TBC1D5: variants seen among roughly 807,000 people sequenced by gnomAD.
The protein encoded by TBC1D5 is TBC1 domain family, member 5.
In TBC1D5, 75 loss-of-function variants were observed where a neutral mutation model predicts 100.3. The ratio of observed to expected loss-of-function variants is 0.75; its 90% CI spans 0.62 to 0.91. The LOEUF (loss-of-function observed/expected upper bound fraction) is 0.91. Among genes scored for constraint, TBC1D5 ranks in the 40% least tolerant of loss-of-function variants. The probability of loss-of-function intolerance (pLI) is 0.00; values close to 1 mark genes in which losing one functional copy is unlikely to be tolerated. For synonymous variants in TBC1D5, 323 were observed against 325.6 expected (o/e 0.99, Z 0.09); for missense variants, 910 against 942.4 (o/e 0.97, Z 0.45).
At chr3:17,678,352 A>C (rs1250442102) in intron 1 of TBC1D5, among the ~76,000 whole-genome samples, 5 of 152,166 alleles carry the variant, frequency 3.3e-5, no homozygotes, top group African/African-American at 9.7e-5. Context: ...TGGTTCACCA[A>C]ACACAGATTA....
chr3:17,302,477 G>C (rs555966601), intron 14 of TBC1D5, among the ~76,000 whole-genome samples: 1 of 146,290 alleles, frequency 6.8e-6, no homozygotes, highest in African/African-American at 2.8e-5. Flanking sequence ...CTTTTGTTGA[G>C]GGGGGGGATA....
At chr3:17,245,558 T>C (rs1315644419) in intron 16 of TBC1D5, among the ~76,000 whole-genome samples, 4 of 152,154 alleles carry the variant, frequency 2.6e-5, no homozygotes, top group African/African-American at 9.7e-5. Context: ...AGGAGTAGTG[T>C]TTGTTAGGAA....
At chr3:17,247,728 A>G (rs529903081) in intron 16 of TBC1D5, among the ~76,000 whole-genome samples, 4 of 152,216 alleles carry the variant, frequency 2.6e-5, no homozygotes, top group Non-Finnish European at 5.9e-5. Flanking sequence ...ATTGGAGTCA[A>G]TCCCTTCAAA....
chr3:17,450,728 G>A (rs1329419311), intron 3 of TBC1D5, among the ~76,000 whole-genome samples: 1 of 152,112 alleles, frequency 6.6e-6, no homozygotes, highest in Non-Finnish European at 1.5e-5. Flanking sequence ...AGAAATATGC[G>A]CCTATGTGAA....
chr3:17,712,855 T>C (rs2074873017), intron 1 of TBC1D5, among the ~76,000 whole-genome samples: 1 of 152,152 alleles, frequency 6.6e-6, no homozygotes, highest in African/African-American at 2.4e-5. Context: ...ATAAATTAAA[T>C]AGTCAGTAAT....
At chr3:17,321,527 T>A (rs770160506) in intron 13 of TBC1D5, among the ~76,000 whole-genome samples, 2 of 152,264 alleles carry the variant, frequency 1.3e-5, no homozygotes, top group Non-Finnish European at 2.9e-5. Flanking sequence ...TTACTTGAGA[T>A]GAATATTTAA....
intron 16 of TBC1D5, among the ~76,000 whole-genome samples, chr3:17,257,561 A>G (rs2077829466): frequency 6.6e-6 from 1 of 152,206 alleles, no homozygotes. Context: ...GAGCAAACAG[A>G]TTTCAATCAG....
At chr3:17,166,988 A>G in intron 20 of TBC1D5, 60 bp from the exon 22 acceptor site, 7 of 1,479,818 alleles carry the variant, frequency 4.7e-6, no homozygotes, top group Middle Eastern at 2.0e-4. Flanking sequence ...TTCAGATGCT[A>G]GCTAAATCTC....
intron 4 of TBC1D5, among the ~76,000 whole-genome samples, chr3:17,408,268 A>AAC (rs3041146): frequency 0.099 from 14,264 of 143,798 alleles, 663 homozygotes; most frequent in African/African-American, 0.11. Flanking sequence ...AAGACTATCC[A>AAC]ACACACACAC....
At chr3:17,477,668 T>G (rs2095454403) in intron 3 of TBC1D5, among the ~76,000 whole-genome samples, 1 of 152,046 alleles carries the variant, frequency 6.6e-6, no homozygotes, top group African/African-American at 2.4e-5. Context: ...TCATACATAC[T>G]TAATGGCTAC....
intron 4 of TBC1D5, among the ~76,000 whole-genome samples, chr3:17,419,314 T>TA (rs1226128369): frequency 6.6e-6 from 1 of 152,182 alleles, no homozygotes; most frequent in Non-Finnish European, 1.5e-5. Flanking sequence ...AGTTCTCTGT[T>TA]ACAAAATAAA....
At chr3:17,603,496 T>G (rs2061132370) in intron 2 of TBC1D5, among the ~76,000 whole-genome samples, 1 of 152,112 alleles carries the variant, frequency 6.6e-6, no homozygotes, top group African/African-American at 2.4e-5. Context: ...GAATCTACCC[T>G]ATATGATTAA....
chr3:17,344,892 C>T (rs1389523917), intron 13 of TBC1D5, among the ~76,000 whole-genome samples: 1 of 152,082 alleles, frequency 6.6e-6, no homozygotes, highest in African/African-American at 2.4e-5. Context: ...GGATCCCTTC[C>T]TTACACCTTA....
intron 17 of TBC1D5, among the ~76,000 whole-genome samples, chr3:17,229,290 C>T (rs758596950): frequency 1.8e-4 from 27 of 152,096 alleles, no homozygotes; most frequent in Non-Finnish European, 3.8e-4. Context: ...TTCCTGCAGA[C>T]TTGAGTGACA....
chr3:17,346,929 C>G (rs1269458957), intron 13 of TBC1D5, among the ~76,000 whole-genome samples: 1 of 152,104 alleles, frequency 6.6e-6, no homozygotes, highest in African/African-American at 2.4e-5. Context: ...TTAGTATAAG[C>G]TAATTTGTAT....
At chr3:17,458,414 C>G (rs1191046945) in intron 3 of TBC1D5, among the ~76,000 whole-genome samples, 1 of 152,148 alleles carries the variant, frequency 6.6e-6, no homozygotes, top group African/African-American at 2.4e-5. Flanking sequence ...CCCCCTGTTC[C>G]TCACCACGGA....
intron 2 of TBC1D5, among the ~76,000 whole-genome samples, chr3:17,538,552 C>T (rs1225736371): frequency 6.6e-6 from 1 of 152,164 alleles, no homozygotes; most frequent in East Asian, 1.9e-4. Context: ...AACTTTTTAA[C>T]AAATTCTCAC....
intron 17 of TBC1D5, among the ~76,000 whole-genome samples, chr3:17,224,912 G>A (rs910937397): frequency 1.3e-5 from 2 of 152,148 alleles, no homozygotes; most frequent in African/African-American, 4.8e-5. Context: ...ATTGGTGGTA[G>A]TATTAATAAG....
At chr3:17,405,020 A>G (rs1293070024) in intron 5 of TBC1D5, 59 bp from the exon 6 acceptor site, 4 of 1,062,406 alleles carry the variant, frequency 3.8e-6, no homozygotes, top group South Asian at 1.6e-5. Flanking sequence ...ATGTGAAACT[A>G]TGCCAAACTG....
Sources: allele counts gnomAD v4.1 joint callset (sites outside exome capture counted in the v4.1 genomes callset), GRCh38; gene constraint gnomAD v4.1.1; transcripts MANE v1.5; gene names NCBI Gene and HGNC (gene_info 2026-07-23, HGNC 2026-07-21).